Variants in COX7B2 observed in about 807,000 individuals in gnomAD.
COX7B2 encodes the protein cytochrome c oxidase subunit 7B2, mitochondrial.
For synonymous variants in COX7B2, 37 were observed against 32.1 expected (o/e 1.15, Z -0.51); for missense variants, 109 against 95.9 (o/e 1.14, Z -0.57).
intron 2 of COX7B2, among the ~76,000 whole-genome samples, chr4:46,832,186 C>T (rs568419730): frequency 6.6e-6 from 1 of 152,278 alleles, no homozygotes; most frequent in African/African-American, 2.4e-5. Context: ...ACTGCTAACT[C>T]TTTGGGTCCA....
chr4:46,856,860 C>G (rs1276205493), intron 1 of COX7B2, among the ~76,000 whole-genome samples: 1 of 151,926 alleles, frequency 6.6e-6, no homozygotes, highest in African/African-American at 2.4e-5. Context: ...TATATTTGCA[C>G]CAGAAAACAT....
chr4:46,806,234 T>C lies in COX7B2; in HGVS notation c.-50+38726A>G, dbSNP rs1276171010. Among the ~76,000 whole-genome samples, 5 of 152,190 alleles carry C rather than the reference T, an allele frequency of 3.3e-5. No homozygotes were observed. The East Asian group carries it at 9.6e-4, about 29-fold the overall frequency. On this transcript the variant is annotated intron_variant, in intron 2 of 2. Coordinates refer to ENST00000355591, the MANE Select transcript of COX7B2 (RefSeq NM_130902.3). ...GGTAACAGGTGTATGTATTTTTGTA[T>C]CTTATTTTAATATTTCATATTATAT...
intron 2 of COX7B2, among the ~76,000 whole-genome samples, chr4:46,767,437 A>C (rs1716610018): frequency 6.6e-6 from 1 of 152,318 alleles, no homozygotes; most frequent in Admixed American, 6.5e-5. Context: ...ACTTTCAACA[A>C]TGGATCATCC....
chr4:46,825,252 G>A (rs1714604405), intron 2 of COX7B2, among the ~76,000 whole-genome samples: 2 of 151,846 alleles, frequency 1.3e-5, no homozygotes, highest in African/African-American at 4.8e-5. Context: ...CAAACCGAGA[G>A]CCACATCAGA....
At chr4:46,769,617 C>G (rs932187490) in intron 2 of COX7B2, among the ~76,000 whole-genome samples, 1 of 152,102 alleles carries the variant, frequency 6.6e-6, no homozygotes, top group Non-Finnish European at 1.5e-5. Flanking sequence ...ACTCAGAAGA[C>G]TGGCAGGAGA....
chr4:46,804,167 G>GTGGTCTCA (rs1212153294), intron 2 of COX7B2, among the ~76,000 whole-genome samples: 3 of 152,090 alleles, frequency 2.0e-5, no homozygotes, highest in Non-Finnish European at 4.4e-5. Flanking sequence ...CGGTGGGTTC[G>GTGGTCTCA]TGGTCTCACT....
intron 1 of COX7B2, among the ~76,000 whole-genome samples, chr4:46,878,222 G>C (rs375188310): frequency 1.3e-5 from 2 of 151,960 alleles, no homozygotes; most frequent in African/African-American, 4.8e-5. Context: ...AGAAACAGTA[G>C]AACAGTGGTT....
chr4:46,779,384 G>T (rs1017123938), intron 2 of COX7B2, among the ~76,000 whole-genome samples: 4 of 152,108 alleles, frequency 2.6e-5, no homozygotes, highest in Admixed American at 1.3e-4. Flanking sequence ...ATATTCCGTT[G>T]TGTATATATA....
At chr4:46,816,122 A>G (rs1276669245) in intron 2 of COX7B2, among the ~76,000 whole-genome samples, 3 of 152,208 alleles carry the variant, frequency 2.0e-5, no homozygotes, top group Non-Finnish European at 4.4e-5. Flanking sequence ...GACTGACATT[A>G]TACCCTACAA....
At chr4:46,759,907 T>A (rs990209988) in intron 2 of COX7B2, among the ~76,000 whole-genome samples, 1 of 150,792 alleles carries the variant, frequency 6.6e-6, no homozygotes, top group Non-Finnish European at 1.5e-5. Flanking sequence ...AAGTCTTATC[T>A]TATATAAGTT....
intron 1 of COX7B2, among the ~76,000 whole-genome samples, chr4:46,847,835 T>C (rs963822335): frequency 1.3e-5 from 2 of 151,940 alleles, no homozygotes; most frequent in Non-Finnish European, 2.9e-5. Flanking sequence ...TTCTAGAAGC[T>C]GACAGGTAAT....
intron 2 of COX7B2, among the ~76,000 whole-genome samples, chr4:46,824,935 G>A (rs188594924): frequency 1.1e-3 from 161 of 152,066 alleles, no homozygotes; most frequent in African/African-American, 3.7e-3. Flanking sequence ...ATATTGAATA[G>A]GCAAACGCTG....
chr4:46,736,185 C>T (rs932452184), intron 2 of COX7B2, among the ~76,000 whole-genome samples: 2 of 152,096 alleles, frequency 1.3e-5, no homozygotes, highest in African/African-American at 4.8e-5. Flanking sequence ...GTTACCGAAA[C>T]ACCAAAGGTT....
chr4:46,755,523 C>T (rs945349582), intron 2 of COX7B2, among the ~76,000 whole-genome samples: 4 of 151,968 alleles, frequency 2.6e-5, no homozygotes, highest in Non-Finnish European at 5.9e-5. Context: ...AGGAAGTCAA[C>T]GTATCCCTGT....
At chr4:46,760,192 C>A (rs1716062650) in intron 2 of COX7B2, among the ~76,000 whole-genome samples, 1 of 152,126 alleles carries the variant, frequency 6.6e-6, no homozygotes. Flanking sequence ...TTTGACCCAG[C>A]AATTCCATTA....
At chr4:46,895,936 T>A (rs1719733326) in intron 1 of COX7B2, among the ~76,000 whole-genome samples, 1 of 152,168 alleles carries the variant, frequency 6.6e-6, no homozygotes, top group Non-Finnish European at 1.5e-5. Flanking sequence ...TTATTATCAG[T>A]TAAACCTCAG....
At chr4:46,759,937 T>C (rs928775428) in intron 2 of COX7B2, among the ~76,000 whole-genome samples, 8 of 151,504 alleles carry the variant, frequency 5.3e-5, no homozygotes, top group Non-Finnish European at 1.2e-4. Flanking sequence ...TTATCTTATA[T>C]GTTATATAAG....
At chr4:46,849,476 G>T (rs1716522530) in intron 1 of COX7B2, among the ~76,000 whole-genome samples, 1 of 152,054 alleles carries the variant, frequency 6.6e-6, no homozygotes, top group Non-Finnish European at 1.5e-5. Flanking sequence ...ACTTTTCACT[G>T]ATGTAGCTTT....
chr4:46,884,796 T>C (rs1206841536), intron 1 of COX7B2, among the ~76,000 whole-genome samples: 3 of 152,226 alleles, frequency 2.0e-5, no homozygotes, highest in African/African-American at 4.8e-5. Flanking sequence ...TCACATCTCC[T>C]TCTGTCAAAT....
Sources: allele counts gnomAD v4.1 joint callset (sites outside exome capture counted in the v4.1 genomes callset), GRCh38; gene constraint gnomAD v4.1.1; transcripts MANE v1.5; gene names NCBI Gene and HGNC (gene_info 2026-07-23, HGNC 2026-07-21).